Variants in CDKL5 observed in about 807,000 individuals in gnomAD.
The protein encoded by CDKL5 is cyclin-dependent kinase-like 5.
A neutral mutation model predicts 61.7 loss-of-function variants in CDKL5; 8 were observed. That is an observed-to-expected ratio of 0.13 (90% CI 0.08 to 0.23). The LOEUF (loss-of-function observed/expected upper bound fraction) is 0.23. Ranked by LOEUF, CDKL5 falls within the 10% of genes least tolerant of loss-of-function variation. The pLI, the probability that CDKL5 is intolerant of heterozygous loss-of-function variation, is 1.00. For missense variants in CDKL5, 440 were observed against 734.5 expected (o/e 0.60, Z 4.63); for synonymous variants, 275 against 272.3 (o/e 1.01, Z -0.10).
intron 1 of CDKL5, among the ~76,000 whole-genome samples, chrX:18,447,817 C>T (rs1486794982): frequency 9.0e-6 from 1 of 111,299 alleles, no homozygotes; most frequent in African/African-American, 3.3e-5. Context: ...CACTTATATA[C>T]AGATGTTTTT....
At chrX:18,447,697 T>C (rs1383421511) in intron 1 of CDKL5, among the ~76,000 whole-genome samples, 1 of 111,569 alleles carries the variant, frequency 9.0e-6, no homozygotes, top group Non-Finnish European at 1.9e-5. Flanking sequence ...TTCTTGATGA[T>C]CTACTTACTC....
intron 3 of CDKL5, among the ~76,000 whole-genome samples, chrX:18,513,575 A>G (rs1239819544): frequency 1.8e-5 from 2 of 111,840 alleles, no homozygotes; most frequent in African/African-American, 6.5e-5. Context: ...ACATGAGGTC[A>G]CACACCAGCT....
At position 18,542,973 on chromosome X, in the gene CDKL5, C is replaced by T. The variant is rs371075912; in HGVS notation, c.100-21504C>T. ...TACATCTTGCAGACGCTACCCTGGCCGGGGAGTCAGAGGTGCTACGGCCTG... is the reference window on the plus strand; with the variant it reads ...TACATCTTGCAGACGCTACCCTGGCTGGGGAGTCAGAGGTGCTACGGCCTG... On this transcript the variant is annotated intron_variant, in intron 3 of 17. Transcript: ENST00000623535. 2.8e-3 allele frequency among the ~76,000 whole-genome samples: 306 copies of T among 110,637 alleles called. 1 individual carries two copies. Among genetic ancestry groups the T allele is most frequent in the African/African-American group, 9.6e-3 (293 of 30,406 alleles).
intron 3 of CDKL5, among the ~76,000 whole-genome samples, chrX:18,522,162 A>G (rs955497149): frequency 9.1e-6 from 1 of 109,838 alleles, no homozygotes; most frequent in Non-Finnish European, 1.9e-5. Flanking sequence ...AATTCTTCCA[A>G]TCCATGGGAC....
intron 17 of CDKL5, chrX:18,627,875 GA>G (rs1449578780): frequency 9.0e-6 from 1 of 110,711 alleles, no homozygotes; most frequent in Non-Finnish European, 1.9e-5. Context: ...AGATAAGAAC[GA>G]AAAGGGCTAT....
At chrX:18,513,533 C>G (rs762794946) in intron 3 of CDKL5, among the ~76,000 whole-genome samples, 2 of 111,393 alleles carry the variant, frequency 1.8e-5, no homozygotes, top group African/African-American at 3.3e-5. Flanking sequence ...TGAGATACAT[C>G]TAAAACATTT....
At chrX:18,625,294 C>G (rs1324245270) in intron 17 of CDKL5, 47 bp downstream of exon 17, 1 of 1,190,902 alleles carries the variant, frequency 8.4e-7, no homozygotes, top group African/African-American at 1.8e-5. Flanking sequence ...TCTCCAGTAA[C>G]TGTCCTGAGG....
At chrX:18,458,212 C>T (rs752244911) in intron 1 of CDKL5, among the ~76,000 whole-genome samples, 2 of 110,499 alleles carry the variant, frequency 1.8e-5, no homozygotes, top group African/African-American at 3.3e-5. Context: ...CGTGAGCCAC[C>T]GCACCCAGCC....
downstream of CDKL5, chrX:18,641,732 A>T: frequency 2.7e-6 from 1 of 367,477 alleles, no homozygotes; most frequent in South Asian, 4.0e-5. Flanking sequence ...GCAGAAAATT[A>T]CCCCTGCTAC....
In CDKL5 at chrX:18,470,595, A is replaced by G. The variant is rs181198566; in HGVS notation, c.-162-36340A>G. Among the ~76,000 whole-genome samples, 218 of 111,009 alleles carry G rather than the reference A, an allele frequency of 2.0e-3. 1 individual carries two copies. The highest frequency in any genetic ancestry group is 3.4e-3 in the Non-Finnish European group (182 of 53,029). ...TAGAACCACTGTGAGTATTATGGGT[A>G]AGGAACTTATATGGTAATCAGACTG... is the stretch of plus-strand genomic sequence containing the variant. On this transcript the variant is annotated intron_variant, in intron 1 of 17. Coordinates refer to ENST00000623535, the MANE Select transcript of CDKL5 (RefSeq NM_001323289.2).
Position 18,536,432 on chromosome X carries a change from G to GTTT in CDKL5, c.99+25608_99+25610dup, listed in dbSNP as rs746308567. Among the ~76,000 whole-genome samples, 112 of 40,551 alleles carry GTTT rather than the reference G, an allele frequency of 2.8e-3. 16 individuals carry two copies. The East Asian group carries it at 0.033, about 12-fold the overall frequency. 35.2% of individuals were successfully genotyped at this position (40,551 alleles called of 115,157 possible). Reference sequence around the variant, plus strand: ...AGAGAGTATTATTTATTCAATACAGGTTTTTTTTTTTTTTTTTTTTTTTTT... The same window carrying GTTT: ...AGAGAGTATTATTTATTCAATACAGGTTTTTTTTTTTTTTTTTTTTTTTTTTTT... On this transcript the variant is annotated intron_variant, in intron 3 of 17. Coordinates refer to ENST00000623535, the MANE Select transcript of CDKL5 (RefSeq NM_001323289.2).
At chrX:18,608,199 A>C (rs755753401) in intron 12 of CDKL5, among the ~76,000 whole-genome samples, 1 of 111,866 alleles carries the variant, frequency 8.9e-6, no homozygotes, top group African/African-American at 3.2e-5. Context: ...GATGAGCACT[A>C]TCATGATTTG....
chrX:18,457,706 C>G (rs894977230), intron 1 of CDKL5, among the ~76,000 whole-genome samples: 3 of 108,598 alleles, frequency 2.8e-5, no homozygotes, highest in Non-Finnish European at 3.8e-5. Context: ...ACCTCTGCCT[C>G]CTGGGTTCAA....
chrX:18,566,394 G>A (rs2147133539), intron 4 of CDKL5, among the ~76,000 whole-genome samples: 1 of 112,808 alleles, frequency 8.9e-6, no homozygotes, highest in South Asian at 3.6e-4. Context: ...AGCTCAAAGT[G>A]ATCCGCCTGC....
chrX:18,528,949 T>C (rs1274946216), intron 3 of CDKL5, among the ~76,000 whole-genome samples: 1 of 111,666 alleles, frequency 9.0e-6, no homozygotes, highest in Non-Finnish European at 1.9e-5. Flanking sequence ...TCCTTTATAT[T>C]CATTTTTTTA....
intron 1 of CDKL5, among the ~76,000 whole-genome samples, chrX:18,493,436 C>T (rs1922060164): frequency 8.9e-6 from 1 of 112,222 alleles, no homozygotes; most frequent in Admixed American, 9.4e-5. Context: ...TACTGTTTTG[C>T]CCTTTCTGGA....
intron 1 of CDKL5, among the ~76,000 whole-genome samples, chrX:18,427,703 T>A (rs907793689): frequency 2.7e-5 from 3 of 111,723 alleles, no homozygotes; most frequent in African/African-American, 9.8e-5. Context: ...TTTTTTAAAA[T>A]CAAAATCCGA....
chrX:18,568,261 CT>C (rs1023489538), intron 4 of CDKL5, among the ~76,000 whole-genome samples: 2 of 112,013 alleles, frequency 1.8e-5, no homozygotes, highest in African/African-American at 6.5e-5. Context: ...TAATGTCCTA[CT>C]TTCTTGTTAA....
intron 1 of CDKL5, among the ~76,000 whole-genome samples, chrX:18,502,755 A>G (rs1208597595): frequency 1.8e-5 from 2 of 111,286 alleles, no homozygotes; most frequent in Non-Finnish European, 3.8e-5. Context: ...AATTTCCCTC[A>G]CTCTATTATA....
Sources: allele counts gnomAD v4.1 joint callset (sites outside exome capture counted in the v4.1 genomes callset), GRCh38; gene constraint gnomAD v4.1.1; transcripts MANE v1.5; gene names NCBI Gene and HGNC (gene_info 2026-07-23, HGNC 2026-07-21).